The following UBE2E2 variants were observed in gnomAD, a reference collection of about 807,000 sequenced individuals.
The protein encoded by UBE2E2 is ubiquitin conjugating enzyme E2 E2.
Under a neutral mutation model 24.7 loss-of-function variants are expected in UBE2E2, and 6 were observed. The ratio of observed to expected loss-of-function variants is 0.24; its 90% confidence interval spans 0.13 to 0.48. UBE2E2 has a LOEUF of 0.48. Ranked by LOEUF, UBE2E2 falls within the 20% of genes least tolerant of loss-of-function variation. The pLI is 0.99. For missense variants in UBE2E2, 169 were observed against 245.0 expected (o/e 0.69, Z 2.07); for synonymous variants, 104 against 83.6 (o/e 1.24, Z -1.33).
intron 4 of UBE2E2, among the ~76,000 whole-genome samples, chr3:23,502,907 A>G (rs1575671041): frequency 6.6e-6 from 1 of 152,170 alleles, no homozygotes; most frequent in South Asian, 2.1e-4. Flanking sequence ...GACATTGTCC[A>G]TTGCATTTGA....
At chr3:23,403,828 C>T (rs1299929335) in intron 3 of UBE2E2, among the ~76,000 whole-genome samples, 1 of 145,998 alleles carries the variant, frequency 6.8e-6, no homozygotes, top group African/African-American at 2.5e-5. Flanking sequence ...AAAAAAAAAG[C>T]CATTGTAGGA....
intron 3 of UBE2E2, among the ~76,000 whole-genome samples, chr3:23,284,532 T>A (rs926150710): frequency 3.9e-5 from 6 of 152,076 alleles, no homozygotes; most frequent in African/African-American, 1.4e-4. Context: ...TATTATTTTT[T>A]AAAAAAGAAT....
chr3:23,262,463 T>A (rs1351965018), intron 3 of UBE2E2, among the ~76,000 whole-genome samples: 1 of 152,142 alleles, frequency 6.6e-6, no homozygotes, highest in Non-Finnish European at 1.5e-5. Flanking sequence ...TGTTTTTTTG[T>A]GGAGATGCGG....
At chr3:23,322,889 T>G (rs1489747580) in intron 3 of UBE2E2, among the ~76,000 whole-genome samples, 1 of 151,988 alleles carries the variant, frequency 6.6e-6, no homozygotes, top group African/African-American at 2.4e-5. Flanking sequence ...AGCCTTAACT[T>G]AGCTGTAGAG....
chr3:23,414,519 C>T (rs1161386698), intron 3 of UBE2E2, among the ~76,000 whole-genome samples: 1 of 152,216 alleles, frequency 6.6e-6, no homozygotes, highest in African/African-American at 2.4e-5. Flanking sequence ...ATGGGGATTA[C>T]AGTTGAACAT....
chr3:23,386,546 CTGTT>C (rs1268055312), intron 3 of UBE2E2, among the ~76,000 whole-genome samples: 5 of 152,184 alleles, frequency 3.3e-5, no homozygotes, highest in East Asian at 1.9e-4. Flanking sequence ...AATAATAAAA[CTGTT>C]TGTCTAATTG....
intron 3 of UBE2E2, among the ~76,000 whole-genome samples, chr3:23,285,411 A>G (rs576099933): frequency 6.6e-6 from 1 of 152,184 alleles, no homozygotes; most frequent in Non-Finnish European, 1.5e-5. Context: ...TTGCTGGATC[A>G]TATGGTAGCC....
intron 4 of UBE2E2, among the ~76,000 whole-genome samples, chr3:23,501,811 G>A (rs1699726531): frequency 6.6e-6 from 1 of 152,040 alleles, no homozygotes; most frequent in Admixed American, 6.6e-5. Context: ...CCCTTTACTA[G>A]GAGTGTTCAA....
chr3:23,328,315 T>C (rs1694961324), intron 3 of UBE2E2, among the ~76,000 whole-genome samples: 1 of 152,176 alleles, frequency 6.6e-6, no homozygotes, highest in Non-Finnish European at 1.5e-5. Context: ...AATGGTTAGA[T>C]TTAAATTTTT....
intron 3 of UBE2E2, among the ~76,000 whole-genome samples, chr3:23,418,580 T>C (rs1697709924): frequency 6.6e-6 from 1 of 152,180 alleles, no homozygotes; most frequent in Non-Finnish European, 1.5e-5. Flanking sequence ...TCACCTCCGG[T>C]TACATTATTC....
chr3:23,227,959 C>A (rs1559447471), intron 3 of UBE2E2, among the ~76,000 whole-genome samples: 1 of 152,092 alleles, frequency 6.6e-6, no homozygotes, highest in Non-Finnish European at 1.5e-5. Flanking sequence ...GTCTTTTCAC[C>A]TGAGGTACAA....
intron 5 of UBE2E2, among the ~76,000 whole-genome samples, chr3:23,557,451 G>A (rs1167263970): frequency 1.3e-5 from 2 of 152,110 alleles, no homozygotes; most frequent in Non-Finnish European, 2.9e-5. Flanking sequence ...AACCAACCCT[G>A]GACAGGATGC....
intron 3 of UBE2E2, among the ~76,000 whole-genome samples, chr3:23,376,397 C>T (rs1696522168): frequency 6.6e-6 from 1 of 151,996 alleles, no homozygotes; most frequent in Admixed American, 6.5e-5. Context: ...GTTCCTAGTG[C>T]GTAAAGAAGG....
intron 3 of UBE2E2, among the ~76,000 whole-genome samples, chr3:23,391,445 T>G (rs1559370238): frequency 6.6e-6 from 1 of 152,224 alleles, no homozygotes; most frequent in African/African-American, 2.4e-5. Flanking sequence ...ATCTACTATA[T>G]GCTGGATACA....
intron 3 of UBE2E2, among the ~76,000 whole-genome samples, chr3:23,448,060 C>G (rs1265845774): frequency 6.6e-6 from 1 of 152,106 alleles, no homozygotes; most frequent in Non-Finnish European, 1.5e-5. Context: ...AAAATTATCT[C>G]TTTAATTAAA....
At chr3:23,243,823 G>A (rs1406161601) in intron 3 of UBE2E2, among the ~76,000 whole-genome samples, 3 of 151,058 alleles carry the variant, frequency 2.0e-5, no homozygotes, top group Non-Finnish European at 2.9e-5. Context: ...TTTAAGTATA[G>A]TAGGAAGCAG....
rs942958676 is a variant in UBE2E2 at position 23,363,182 on chromosome 3, A to G, written c.228-136426A>G. 2.8e-4 allele frequency among the ~76,000 whole-genome samples: 43 copies of G among 152,222 alleles called. 1 individual carries two copies. The highest frequency in any genetic ancestry group is 5.8e-4 in the East Asian group (3 of 5,186). On this transcript the variant is annotated intron_variant, in intron 3 of 5. Transcript: ENST00000396703. ...ATAGAAAGGAAAGACTGTGTTACCA[A>G]CCATCACAAAAACACATTTAAGAAC...
chr3:23,537,143 C>T (rs1292079932), intron 5 of UBE2E2, among the ~76,000 whole-genome samples: 3 of 152,176 alleles, frequency 2.0e-5, no homozygotes, highest in Non-Finnish European at 4.4e-5. Flanking sequence ...TGAAGGGAAT[C>T]ATCTGGGCTC....
At chr3:23,413,195 A>G (rs1845899) in intron 3 of UBE2E2, among the ~76,000 whole-genome samples, 24,491 of 131,372 alleles carry the variant, frequency 0.19, 2,259 homozygotes, top group African/African-American at 0.32. Context: ...TTAAAGTATA[A>G]TAATAATAAA....
Sources: gnomAD v4.1 joint callset for allele counts (sites outside exome capture counted in the v4.1 genomes callset) on GRCh38, gnomAD v4.1.1 for gene constraint, MANE v1.5 for transcripts, NCBI Gene and HGNC (gene_info 2026-07-23, HGNC 2026-07-21) for gene names.